FAT1: variants seen among roughly 807,000 people sequenced by gnomAD.
FAT1 encodes the protein FAT atypical cadherin 1.
FAT1 carries 171 observed loss-of-function variants against 329.8 expected under a neutral mutation model. The ratio of observed to expected loss-of-function variants is 0.52; its 90% CI spans 0.46 to 0.59. The LOEUF (loss-of-function observed/expected upper bound fraction) is 0.59. Ranked by LOEUF, FAT1 falls within the 20% of genes least tolerant of loss-of-function variation. The pLI is 0.00. For missense variants in FAT1, 5,672 were observed against 5,774.4 expected, an observed-to-expected ratio of 0.98 and a Z score of 0.57; for synonymous variants, 2,233 against 2,228.6, an observed-to-expected ratio of 1.00 and a Z score of -0.06.
chr4:186,701,029 G>T (rs887193549), intron 2 of FAT1, among the ~76,000 whole-genome samples: 2 of 152,188 alleles, frequency 1.3e-5, no homozygotes, highest in African/African-American at 4.8e-5. Flanking sequence ...CCACAACGTG[G>T]GACGGCCCTG....
rs1311088077 is a variant in FAT1, at chr4:186,620,329, T to A, written c.6257A>T (p.Tyr2086Phe). The change falls in exon 10 of 27, where the codon TAC becomes TTC. Residue 2086 changes from tyrosine to phenylalanine, a missense_variant. Physicochemically the swap from Tyr to Phe is conservative, Grantham distance 22 (BLOSUM62 3). Coordinates refer to ENST00000441802, the MANE Select transcript of FAT1 (RefSeq NM_005245.4). ...AGTGTCCACTTTAACAACGGCGTAG[T>A]AGGGAAGGTTGACAAACACCGGCGC... ...DNAPVFVNLPYYAVVKVDTEV... is the reference protein window; with the variant it reads ...DNAPVFVNLPFYAVVKVDTEV... The A allele has an allele frequency of 6.2e-7, 1 of 1,613,970 alleles. No homozygotes were observed. The highest frequency in any genetic ancestry group is 8.5e-7 in the Non-Finnish European group (1 of 1,179,868).
intron 1 of FAT1, among the ~76,000 whole-genome samples, chr4:186,714,845 C>T (rs1029583286): frequency 2.0e-5 from 3 of 152,132 alleles, no homozygotes; most frequent in Non-Finnish European, 4.4e-5. Flanking sequence ...TTCGGGAGGC[C>T]GAGGCAGGCG....
chr4:186,707,525 T>C lies in FAT1; in HGVS notation c.2303A>G (p.Asp768Gly). The C allele has an allele frequency of 6.2e-7, 1 of 1,614,000 alleles. No homozygotes were observed. The highest frequency in any genetic ancestry group is 1.1e-5 in the South Asian group (1 of 91,084). Residue 768 changes from aspartate to glycine, a missense_variant, in exon 2 of 27, where the codon GAT becomes GGT. Asp to Gly is a moderately conservative substitution (Grantham distance 94). Transcript: ENST00000441802. ...GGNEDSCFMIDMETGMLKILS... is the reference protein window; with the variant it reads ...GGNEDSCFMIGMETGMLKILS... Reference sequence around the variant, plus strand: ...AATTTTCAGCATTCCTGTTTCCATATCAATCATGAAGCAACTATCCTCATT... The same window carrying C: ...AATTTTCAGCATTCCTGTTTCCATACCAATCATGAAGCAACTATCCTCATT...
rs1157364387 is a variant in FAT1 at position 186,709,549 on chromosome 4, A to G, written c.279T>C (p.Phe93=). ...CTTTGGTCCTTATTCTTAGAAAGCA[A>G]AAGTCTCCGAGAATGTACTCTTCAG... The part of the protein sequence containing the change: ...FKAEEYILGD[F]CFLRIRTKGG... Residue 93 remains phenylalanine (F), a synonymous_variant, in exon 2 of 27, where the codon TTT becomes TTC. Coordinates refer to ENST00000441802, the MANE Select transcript of FAT1 (RefSeq NM_005245.4). 5 of 1,614,034 alleles carry G rather than the reference A, an allele frequency of 3.1e-6. No homozygotes were observed. Among genetic ancestry groups the G allele is most frequent in the African/African-American group, 2.7e-5 (2 of 75,040 alleles).
chr4:186,676,983 C>A (rs1742986486), intron 2 of FAT1, among the ~76,000 whole-genome samples: 2 of 152,114 alleles, frequency 1.3e-5, no homozygotes, highest in African/African-American at 4.8e-5. Flanking sequence ...ACTTTTTGGT[C>A]CCTGTGGTCA....
chr4:186,706,785 T>C lies in FAT1; in HGVS notation c.3043A>G (p.Thr1015Ala), dbSNP rs768194204. The stretch of plus-strand genomic sequence containing the variant: ...ACCACCTCAACTTCAACATAGCAAG[T>C]AGAAGACAGAGAAACTGGCTTTCCC... ...DKGKPVSLSS[T>A]CYVEVEVVDV... The change falls in exon 2 of 27, where the codon ACT becomes GCT. Residue 1015 changes from threonine to alanine, a missense_variant. Transcript: ENST00000441802. The C allele has an allele frequency of 2.2e-5, 36 of 1,613,872 alleles. No homozygotes were observed. The South Asian group carries it at 3.6e-4, about 16-fold the overall frequency.
At chr4:186,591,844 A>G (rs1738252797) in intron 26 of FAT1, among the ~76,000 whole-genome samples, 1 of 152,118 alleles carries the variant, frequency 6.6e-6, no homozygotes, top group Non-Finnish European at 1.5e-5. Flanking sequence ...CCTTGACAGC[A>G]TCATGTCCTA....
In FAT1 at chr4:186,598,045, G is replaced by C. The variant is rs769337342; in HGVS notation, c.12184C>G (p.Leu4062Val). 9 of 1,613,876 alleles carry C rather than the reference G, an allele frequency of 5.6e-6. No individual in the cohort carries two copies. In the South Asian group the frequency reaches 9.9e-5, roughly 18 times the overall value. The change falls in exon 23 of 27, where the codon CTC becomes GTC. Residue 4062 changes from leucine (L) to valine (V), a missense_variant. Leu to Val is a conservative substitution (Grantham distance 32, BLOSUM62 1). Coordinates refer to ENST00000441802, the MANE Select transcript of FAT1 (RefSeq NM_005245.4). ...TCGACAACACACGTGCCCCCATAGA[G>C]GCATGGCTTGGAGGAACACGGATTG... ...SVNPCSSKPC[L>V]YGGTCVVDNG...
At chr4:186,725,982 T>G (rs960760), upstream of FAT1, among the ~76,000 whole-genome samples, 25,587 of 152,246 alleles carry the variant, frequency 0.17, 3,160 homozygotes, top group African/African-American at 0.35. This position sits in a 1 kb window ranked among gnomAD's most constrained non-coding sequence, Gnocchi z 5.4. Context: ...CACAGAACCC[T>G]GCAAGGAGCG....
intron 2 of FAT1, among the ~76,000 whole-genome samples, chr4:186,667,635 AATCTT>A (rs758946701): frequency 1.3e-5 from 2 of 152,238 alleles, no homozygotes; most frequent in African/African-American, 4.8e-5. Flanking sequence ...CACACCGAAG[AATCTT>A]ATCTTCTAAC....
intron 2 of FAT1, among the ~76,000 whole-genome samples, chr4:186,687,830 G>A (rs1350754166): frequency 6.6e-6 from 1 of 152,124 alleles, no homozygotes; most frequent in Non-Finnish European, 1.5e-5. Flanking sequence ...GCAGAAGGCA[G>A]TCAACAAAAC....
At chr4:186,660,923 T>C (rs1453112858) in intron 3 of FAT1, among the ~76,000 whole-genome samples, 1 of 152,188 alleles carries the variant, frequency 6.6e-6, no homozygotes, top group Non-Finnish European at 1.5e-5. Flanking sequence ...TGCCCAGACC[T>C]ATGCCATGTG....
chr4:186,656,646 T>C (rs1741915596), intron 3 of FAT1, among the ~76,000 whole-genome samples: 1 of 152,138 alleles, frequency 6.6e-6, no homozygotes, highest in Non-Finnish European at 1.5e-5. Context: ...GAAGGAGGAC[T>C]GAGAAGTGCC....
At chr4:186,601,513 G>A (rs780460588) in intron 20 of FAT1, 87 bp from the exon 21 acceptor site, 86 of 1,029,616 alleles carry the variant, frequency 8.4e-5, no homozygotes, top group Admixed American at 1.2e-4. Context: ...CCTTGAGACT[G>A]ATTTAGGGTT....
chr4:186,645,084 G>A (rs1211950742), intron 3 of FAT1, among the ~76,000 whole-genome samples: 2 of 152,058 alleles, frequency 1.3e-5, no homozygotes, highest in African/African-American at 2.4e-5. Flanking sequence ...CTGTGTTCCA[G>A]AAAAGTGTGG....
intron 11 of FAT1, 41 bp downstream of exon 11, chr4:186,616,964 T>A: frequency 6.4e-7 from 1 of 1,554,372 alleles, no homozygotes; most frequent in Non-Finnish European, 8.8e-7. Flanking sequence ...ATTAAGAAAT[T>A]GAAATTCATA....
rs1739318386 is a variant in FAT1, at chr4:186,609,852, G to A, written c.10017C>T (p.Thr3339=). 2 of 1,613,676 alleles carry A rather than the reference G, an allele frequency of 1.2e-6. No individual in the cohort carries two copies. The highest frequency in any genetic ancestry group is 1.3e-5 in the African/African-American group (1 of 74,908). The change falls in exon 15 of 27, where the codon ACC becomes ACT. Residue 3339 remains threonine, a synonymous_variant. Coordinates refer to ENST00000441802, the MANE Select transcript of FAT1 (RefSeq NM_005245.4). ...NDNTPVFSQD[T]YTTVISEDAV... ...CATCTTCACTGATGACTGTCGTGTAGGTGTCTTGGCTGAACACAGGGGTAT... is the reference window on the plus strand; with the variant it reads ...CATCTTCACTGATGACTGTCGTGTAAGTGTCTTGGCTGAACACAGGGGTAT...
intron 26 of FAT1, among the ~76,000 whole-genome samples, chr4:186,595,016 G>GT (rs1271615298): frequency 1.3e-5 from 2 of 151,882 alleles, no homozygotes; most frequent in Non-Finnish European, 2.9e-5. Context: ...TTCTCTACTG[G>GT]TATGTGTTAA....
At position 186,606,115 on chromosome 4, in the gene FAT1, G is replaced by T. The variant is rs758821892; in HGVS notation, c.10305C>A (p.Asp3435Glu). Reference sequence around the variant, plus strand: ...TTCCCCTGGAGAAGACGGGCGCGTTGTCATTGACATCGGACACATCGATGT... The same window carrying T: ...TTCCCCTGGAGAAGACGGGCGCGTTTTCATTGACATCGGACACATCGATGT... The part of the protein sequence containing the change: ...TVNIDVSDVN[D>E]NAPVFSRGNY... Residue 3435 changes from aspartate to glutamate, a missense_variant, in exon 17 of 27, where the codon GAC becomes GAA. By Grantham distance (45) the Asp-to-Glu change is conservative. Coordinates refer to ENST00000441802, the MANE Select transcript of FAT1 (RefSeq NM_005245.4). The T allele has an allele frequency of 6.2e-6, 10 of 1,613,416 alleles. No homozygotes were observed. Among genetic ancestry groups the T allele is most frequent in the Non-Finnish European group, 8.5e-6 (10 of 1,179,828 alleles).
Sources: allele counts gnomAD v4.1 joint callset (sites outside exome capture counted in the v4.1 genomes callset), GRCh38; gene constraint gnomAD v4.1.1; non-coding constraint Gnocchi (gnomAD v3.1); transcripts MANE v1.5; gene names NCBI Gene and HGNC (gene_info 2026-07-23, HGNC 2026-07-21).